RBFOX1: variants seen among roughly 807,000 people sequenced by gnomAD.
RBFOX1 encodes RNA binding protein fox-1 homolog 1.
A neutral mutation model predicts 57.7 loss-of-function variants in RBFOX1; 8 were observed. The observed-to-expected ratio is 0.14, with a 90% CI of 0.08 to 0.25. The LOEUF (loss-of-function observed/expected upper bound fraction) is 0.25. Ranked by LOEUF, RBFOX1 falls within the 10% of genes least tolerant of loss-of-function variation. The pLI is 1.00. For synonymous variants in RBFOX1, 326 were observed against 222.4 expected (o/e 1.47, Z -4.15); for missense variants, 611 against 548.5 (o/e 1.11, Z -1.14).
intron 1 of RBFOX1, among the ~76,000 whole-genome samples, chr16:6,024,474 G>C (rs958483621): frequency 6.6e-6 from 1 of 152,080 alleles, no homozygotes; most frequent in Non-Finnish European, 1.5e-5. Context: ...TTTATCCAAT[G>C]AGTATTCTAC....
rs1567644410 is a variant in RBFOX1 at position 6,549,560 on chromosome 16, G to GGGGAGGAA, written c.-63-105032_-63-105025dup. 6.9e-5 allele frequency among the ~76,000 whole-genome samples: 10 copies of GGGGAGGAA among 144,960 alleles called. No homozygotes were observed. The South Asian group carries it at 2.3e-3, about 33-fold the overall frequency. On this transcript the variant is annotated intron_variant, in intron 2 of 15. Transcript: ENST00000550418. ...GGAGGGGAGGAGGAGGATGGGAGGA[G>GGGGAGGAA]GGGAGGAAGGGAGGAAGGAGGAGGA...
At chr16:6,486,766 C>CT (rs2095492219) in intron 2 of RBFOX1, among the ~76,000 whole-genome samples, 1 of 150,742 alleles carries the variant, frequency 6.6e-6, no homozygotes. Context: ...CGTTTTTGCT[C>CT]TTTTTGTTTT....
At chr16:5,981,673 T>C (rs1282154772) in intron 4 of RBFOX1, among the ~76,000 whole-genome samples, 1 of 152,138 alleles carries the variant, frequency 6.6e-6, no homozygotes, top group Non-Finnish European at 1.5e-5. Flanking sequence ...TTCACCATAT[T>C]GGTCAGTCTG....
At chr16:6,073,588 G>A (rs963314032) in intron 1 of RBFOX1, among the ~76,000 whole-genome samples, 4 of 152,102 alleles carry the variant, frequency 2.6e-5, no homozygotes, top group Non-Finnish European at 5.9e-5. Flanking sequence ...ATACACTTCC[G>A]TTTTGGAAGT....
At chr16:6,260,164 G>T (rs745830976) in intron 1 of RBFOX1, among the ~76,000 whole-genome samples, 39 of 152,192 alleles carry the variant, frequency 2.6e-4, no homozygotes, top group Admixed American at 5.9e-4. Flanking sequence ...CTGAGGGAAA[G>T]TTCTCCCATT....
At chr16:7,495,381 G>C (rs1300350721) in intron 4 of RBFOX1, among the ~76,000 whole-genome samples, 3 of 152,144 alleles carry the variant, frequency 2.0e-5, no homozygotes. Context: ...TAAGTTCTTT[G>C]AGAAATACTC....
intron 4 of RBFOX1, among the ~76,000 whole-genome samples, chr16:7,182,013 A>G (rs554202536): frequency 1.3e-5 from 2 of 152,346 alleles, no homozygotes; most frequent in East Asian, 1.9e-4. Context: ...GATTCCACCA[A>G]TCTAATATAC....
chr16:7,157,596 G>C (rs2077415616), intron 4 of RBFOX1, among the ~76,000 whole-genome samples: 1 of 152,094 alleles, frequency 6.6e-6, no homozygotes, highest in African/African-American at 2.4e-5. Flanking sequence ...AATAGGGTCT[G>C]GGAGCTCTGA....
chr16:6,945,670 T>C (rs918590300), intron 3 of RBFOX1, among the ~76,000 whole-genome samples: 15 of 151,976 alleles, frequency 9.9e-5, no homozygotes, highest in Admixed American at 7.2e-4. Flanking sequence ...GTGGGTGGAT[T>C]ACCTGAGGTC....
intron 3 of RBFOX1, among the ~76,000 whole-genome samples, chr16:6,979,903 G>A (rs955432389): frequency 2.0e-5 from 3 of 152,130 alleles, no homozygotes; most frequent in African/African-American, 7.2e-5. Context: ...CACAGGACAA[G>A]ATCTTGTCAA....
intron 1 of RBFOX1, among the ~76,000 whole-genome samples, chr16:5,323,972 G>C (rs907944082): frequency 6.6e-6 from 1 of 152,164 alleles, no homozygotes; most frequent in Non-Finnish European, 1.5e-5. Context: ...CATATTACAC[G>C]TGTATAGTGC....
At chr16:5,662,121 C>T (rs980682691) in intron 3 of RBFOX1, among the ~76,000 whole-genome samples, 2 of 151,948 alleles carry the variant, frequency 1.3e-5, no homozygotes, top group Admixed American at 6.6e-5. Context: ...AAGTTTGGAC[C>T]CTTTGACAAA....
chr16:7,129,326 C>G (rs545866238), intron 4 of RBFOX1, among the ~76,000 whole-genome samples: 2 of 152,202 alleles, frequency 1.3e-5, no homozygotes, highest in East Asian at 1.9e-4. Flanking sequence ...TGGGTCCTGT[C>G]TTCATTTCTA....
chr16:7,672,992 C>G (rs1339397919), intron 13 of RBFOX1, among the ~76,000 whole-genome samples: 1 of 151,296 alleles, frequency 6.6e-6, no homozygotes, highest in Non-Finnish European at 1.5e-5. Context: ...TACCAGCACA[C>G]CTGTTTTGCA....
intron 5 of RBFOX1, among the ~76,000 whole-genome samples, chr16:7,532,330 G>C (rs1330718453): frequency 6.6e-6 from 1 of 152,078 alleles, no homozygotes; most frequent in African/African-American, 2.4e-5. Flanking sequence ...AACAGTGGGT[G>C]GCGCCAGCTT....
chr16:7,146,311 A>C (rs557872176), intron 4 of RBFOX1, among the ~76,000 whole-genome samples: 3 of 152,154 alleles, frequency 2.0e-5, no homozygotes, highest in Admixed American at 2.0e-4. Context: ...CTTGCTTGCA[A>C]TATATGTTGC....
rs928125327 is a variant in RBFOX1, at chr16:6,917,237, C to T, written c.-15-134820C>T. Among the ~76,000 whole-genome samples, 7 of 152,160 alleles carry T rather than the reference C, an allele frequency of 4.6e-5. No homozygotes were observed. In the South Asian group the frequency reaches 6.2e-4, roughly 14 times the overall value. On this transcript the variant is annotated intron_variant, in intron 3 of 15. Transcript: ENST00000550418. ...AAAATCTCAGTGGCCACCTTGGTCC[C>T]CGCTCTCACTGCAAAGAGTCTGTCC... is the stretch of plus-strand genomic sequence containing the variant.
chr16:6,868,049 T>A lies in RBFOX1; in HGVS notation c.-15-184008T>A, dbSNP rs150748179. Among the ~76,000 whole-genome samples the A allele has an allele frequency of 6.2e-3, 939 of 152,336 alleles. 14 individuals carry two copies. Among genetic ancestry groups the A allele is most frequent in the African/African-American group, 0.021 (890 of 41,574 alleles). Reference sequence around the variant, plus strand: ...TAACTTATTTGCGAAATATAGGTATTATAGTAATGTTTTTGCCGTATGGGT... The same window carrying A: ...TAACTTATTTGCGAAATATAGGTATAATAGTAATGTTTTTGCCGTATGGGT... On this transcript the variant is annotated intron_variant, in intron 3 of 15. Coordinates refer to ENST00000550418, the MANE Select transcript of RBFOX1 (RefSeq NM_018723.4).
At chr16:6,725,129 C>G (rs1018515464) in intron 3 of RBFOX1, among the ~76,000 whole-genome samples, 1 of 141,896 alleles carries the variant, frequency 7.0e-6, no homozygotes, top group Non-Finnish European at 1.5e-5. Context: ...CGGCTCACTG[C>G]AAGCTCTGCG....
Sources: gnomAD v4.1 joint callset for allele counts (sites outside exome capture counted in the v4.1 genomes callset) on GRCh38, gnomAD v4.1.1 for gene constraint, MANE v1.5 for transcripts, NCBI Gene and HGNC (gene_info 2026-07-23, HGNC 2026-07-21) for gene names.